Variants in DACH2 observed in about 807,000 individuals in gnomAD.
The protein encoded by DACH2 is dachshund homolog 2.
A neutral mutation model predicts 35.8 loss-of-function variants in DACH2; 17 were observed. The ratio of observed to expected loss-of-function variants is 0.48; its 90% CI spans 0.33 to 0.71. The LOEUF (loss-of-function observed/expected upper bound fraction) is 0.71. DACH2 is among the 30% of genes least tolerant of loss of function. DACH2 has a pLI of 0.02. For synonymous variants in DACH2, 195 were observed against 177.3 expected (o/e 1.10, Z -0.79); for missense variants, 469 against 472.7 (o/e 0.99, Z 0.07).
intron 11 of DACH2, chrX:86,829,799 C>CCTAT (rs1482376279): frequency 3.6e-5 from 4 of 111,991 alleles, no homozygotes; most frequent in African/African-American, 1.3e-4. Context: ...CCCCTTTTTA[C>CCTAT]CTATCTGATA....
intron 1 of DACH2, among the ~76,000 whole-genome samples, chrX:86,294,648 G>A (rs778831953): frequency 1.9e-3 from 203 of 109,201 alleles, no homozygotes; most frequent in African/African-American, 6.4e-3. Flanking sequence ...TAACAGACAG[G>A]GCCCTCATCT....
At chrX:86,401,158 G>T (rs1361071901) in intron 2 of DACH2, among the ~76,000 whole-genome samples, 2 of 112,260 alleles carry the variant, frequency 1.8e-5, no homozygotes, top group African/African-American at 6.5e-5. Flanking sequence ...GAGGCTCCGT[G>T]GGTGTAGGAC....
At chrX:86,489,699 G>T (rs1044916569) in intron 2 of DACH2, among the ~76,000 whole-genome samples, 4 of 111,417 alleles carry the variant, frequency 3.6e-5, no homozygotes, top group African/African-American at 1.3e-4. Context: ...TTACATTTTA[G>T]TCTAAACCGC....
chrX:86,422,586 GT>G (rs2036823261), intron 2 of DACH2, among the ~76,000 whole-genome samples: 1 of 110,576 alleles, frequency 9.0e-6, no homozygotes, highest in Admixed American at 9.7e-5. Context: ...AACATGGAAT[GT>G]TTTGATACAG....
chrX:86,700,681 C>T (rs1446453121), intron 5 of DACH2, among the ~76,000 whole-genome samples: 1 of 36,373 alleles, frequency 2.7e-5, no homozygotes, highest in Non-Finnish European at 4.7e-5. Flanking sequence ...CACTAACCCA[C>T]AGAAATACAA....
At chrX:86,506,508 C>T (rs1602591289) in intron 2 of DACH2, among the ~76,000 whole-genome samples, 1 of 111,909 alleles carries the variant, frequency 8.9e-6, no homozygotes, top group African/African-American at 3.3e-5. Flanking sequence ...ATCCTTCTGC[C>T]TCAGCCTCCT....
At chrX:86,376,552 T>G (rs1289514204) in intron 1 of DACH2, among the ~76,000 whole-genome samples, 1 of 110,595 alleles carries the variant, frequency 9.0e-6, no homozygotes, top group Non-Finnish European at 1.9e-5. Flanking sequence ...CACATGACAT[T>G]TCACATTATT....
chrX:86,458,915 T>G (rs1301267769), intron 2 of DACH2, among the ~76,000 whole-genome samples: 1 of 110,441 alleles, frequency 9.1e-6, no homozygotes, highest in African/African-American at 3.3e-5. Context: ...AAATACCTAA[T>G]GTAGGTGACG....
At chrX:86,410,096 G>A (rs2036586590) in intron 2 of DACH2, among the ~76,000 whole-genome samples, 1 of 112,189 alleles carries the variant, frequency 8.9e-6, no homozygotes, top group Admixed American at 9.5e-5. Flanking sequence ...TTTGTCAGAT[G>A]CATCACTTTG....
intron 2 of DACH2, among the ~76,000 whole-genome samples, chrX:86,463,100 C>G (rs1041427535): frequency 2.7e-5 from 3 of 110,948 alleles, no homozygotes; most frequent in Non-Finnish European, 5.7e-5. Flanking sequence ...TAGAAACTAA[C>G]CATAATATTC....
chrX:86,669,892 A>G (rs1256698564), intron 4 of DACH2, among the ~76,000 whole-genome samples: 2 of 110,819 alleles, frequency 1.8e-5, no homozygotes, highest in Non-Finnish European at 3.8e-5. Flanking sequence ...TATGATAACT[A>G]GCATTAGGTT....
At chrX:86,160,389 A>C (rs2030710399) in intron 1 of DACH2, 2 of 635,759 alleles carry the variant, frequency 3.1e-6, no homozygotes, top group Non-Finnish European at 5.2e-6. Context: ...CTCTCAATAC[A>C]CATGAGGTTG....
At chrX:86,250,446 T>G (rs1478510734) in intron 1 of DACH2, among the ~76,000 whole-genome samples, 1 of 111,364 alleles carries the variant, frequency 9.0e-6, no homozygotes, top group Admixed American at 9.6e-5. Flanking sequence ...GTTCAGAGTA[T>G]TGCTTCATTC....
At position 86,551,373 on chromosome X, in the gene DACH2, C is replaced by T. The variant is rs139850310; in HGVS notation, c.640+36982C>T. Among the ~76,000 whole-genome samples, 14 of 111,915 alleles carry T rather than the reference C, an allele frequency of 1.3e-4. No homozygotes were observed. The East Asian group carries it at 3.1e-3, about 25-fold the overall frequency. ...CATACCTAACTCATACAGAATACTG[C>T]TGACTCTGAGTTATGTTCACAGCTT... On this transcript the variant is annotated intron_variant, in intron 3 of 11. Coordinates refer to ENST00000373125, the MANE Select transcript of DACH2 (RefSeq NM_053281.3).
chrX:86,580,109 C>A (rs779813326), intron 3 of DACH2, among the ~76,000 whole-genome samples: 1 of 111,850 alleles, frequency 8.9e-6, no homozygotes, highest in Non-Finnish European at 1.9e-5. Flanking sequence ...AGACCAGGAG[C>A]TCTTACTTGA....
At chrX:86,567,683 A>G (rs887118610) in intron 3 of DACH2, among the ~76,000 whole-genome samples, 29 of 111,324 alleles carry the variant, frequency 2.6e-4, no homozygotes, top group African/African-American at 9.1e-4. Flanking sequence ...AATATTGTTA[A>G]CTGGCCAGCT....
chrX:86,695,294 T>G (rs1569468768), intron 5 of DACH2, 115 bp downstream of exon 5: 10 of 601,393 alleles, frequency 1.7e-5, no homozygotes, highest in African/African-American at 2.4e-5. Flanking sequence ...AGTTTAACAA[T>G]TTAATATCAG....
intron 3 of DACH2, among the ~76,000 whole-genome samples, chrX:86,632,345 C>T (rs762363655): frequency 1.1e-4 from 12 of 111,057 alleles, no homozygotes; most frequent in Non-Finnish European, 1.9e-5. Context: ...CACTTTTCCA[C>T]TCTAGACTTA....
intron 1 of DACH2, among the ~76,000 whole-genome samples, chrX:86,339,159 C>T (rs1034341295): frequency 4.5e-5 from 5 of 111,385 alleles, no homozygotes; most frequent in African/African-American, 1.6e-4. Context: ...TGGTACCCCG[C>T]CTTCTGAAAC....
Sources: gnomAD v4.1 joint callset for allele counts (sites outside exome capture counted in the v4.1 genomes callset) on GRCh38, gnomAD v4.1.1 for gene constraint, MANE v1.5 for transcripts, NCBI Gene and HGNC (gene_info 2026-07-23, HGNC 2026-07-21) for gene names.